Variants in GATAD2A observed in about 807,000 individuals in gnomAD.
GATAD2A encodes the protein GATA zinc finger domain containing 2A.
In GATAD2A, 12 loss-of-function variants were observed where a neutral mutation model predicts 68.5. That is an observed-to-expected ratio of 0.18 (90% CI 0.11 to 0.28). The LOEUF (loss-of-function observed/expected upper bound fraction) is 0.28, where lower values mean the gene tolerates loss of function less well. Among genes scored for constraint, GATAD2A ranks in the 10% least tolerant of loss-of-function variants. The pLI, the probability that GATAD2A is intolerant of heterozygous loss-of-function variation, is 1.00. For missense variants in GATAD2A, 755 were observed against 868.5 expected, an observed-to-expected ratio of 0.87 and a Z score of 1.64; for synonymous variants, 410 against 375.3, an observed-to-expected ratio of 1.09 and a Z score of -1.07.
At position 19,495,876 on chromosome 19, in the gene GATAD2A, G is replaced by T; in HGVS notation, c.747G>T (p.Arg249Ser). 6.2e-7 allele frequency: 1 copy of T among 1,612,720 alleles called. No homozygotes were observed. The change falls in exon 6 of 12, where the codon AGG becomes AGT. Residue 249 changes from arginine to serine, a missense_variant. Physicochemically the swap from Arg to Ser is moderately radical, Grantham distance 110 (BLOSUM62 -1). Coordinates refer to ENST00000683918, the MANE Select transcript of GATAD2A (RefSeq NM_001384528.1). ...SSQVVMPPLV[R>S]GAQQIHSIRQ... ...AGGTCGTCATGCCCCCACTCGTCAGGGGGGCTCAGGTAAGCAGGGCTGTGC... is the reference window on the plus strand; with the variant it reads ...AGGTCGTCATGCCCCCACTCGTCAGTGGGGCTCAGGTAAGCAGGGCTGTGC...
chr19:19,443,461 C>T (rs553735849), intron 1 of GATAD2A, among the ~76,000 whole-genome samples: 11 of 152,278 alleles, frequency 7.2e-5, no homozygotes, highest in East Asian at 3.9e-4. Context: ...CCAACAAAGA[C>T]GGAAGATTGT....
intron 2 of GATAD2A, among the ~76,000 whole-genome samples, chr19:19,483,143 G>A (rs2059174287): frequency 6.6e-6 from 1 of 152,206 alleles, no homozygotes; most frequent in Non-Finnish European, 1.5e-5. Flanking sequence ...CTCTGCTCTA[G>A]CTGGGGACCT....
chr19:19,505,557 G>T lies in GATAD2A; in HGVS notation c.*83G>T. On this transcript the variant is annotated 3_prime_UTR_variant, in exon 12 of 12. Transcript: ENST00000683918. ...AGAAGGACCCACTGCACCACCCTCC[G>T]CTGGCTCGGGAAGACACCGTGCCCG... 1 of 1,275,624 alleles carries T rather than the reference G, an allele frequency of 7.8e-7. No individual in the cohort carries two copies. The highest frequency in any genetic ancestry group is 1.1e-6 in the Non-Finnish European group (1 of 940,504). 79.0% of individuals were successfully genotyped at this position (1,275,624 alleles called of 1,614,324 possible). A position where few individuals can be genotyped will look rare whatever the true frequency, so the allele number is the denominator to read the frequency against.
chr19:19,444,933 A>G (rs535471277), intron 1 of GATAD2A, among the ~76,000 whole-genome samples: 55 of 149,276 alleles, frequency 3.7e-4, no homozygotes, highest in African/African-American at 1.2e-3. Context: ...TAGGCAGTGT[A>G]GGGCCTGTGA....
chr19:19,461,113 C>T (rs1475922606), intron 1 of GATAD2A, among the ~76,000 whole-genome samples: 6 of 151,570 alleles, frequency 4.0e-5, no homozygotes, highest in Non-Finnish European at 7.4e-5. Flanking sequence ...GAGCTGCTGT[C>T]GGGTGAGGAG....
chr19:19,430,258 C>T (rs1038755374), intron 1 of GATAD2A, among the ~76,000 whole-genome samples: 4 of 152,228 alleles, frequency 2.6e-5, no homozygotes, highest in African/African-American at 9.6e-5. Flanking sequence ...GCCAGCCAGC[C>T]AGCGCATGGT....
intron 1 of GATAD2A, among the ~76,000 whole-genome samples, chr19:19,422,716 G>GTTT (rs765812453): frequency 1.4e-5 from 2 of 142,220 alleles, no homozygotes; most frequent in African/African-American, 2.6e-5. Context: ...TGTTTTTGTT[G>GTTT]TTTTTTTTTT....
chr19:19,439,106 C>T (rs2054690313), intron 1 of GATAD2A, among the ~76,000 whole-genome samples: 1 of 152,196 alleles, frequency 6.6e-6, no homozygotes, highest in African/African-American at 2.4e-5. Flanking sequence ...GAGGGCTGGC[C>T]CTCAATGTGC....
chr19:19,454,855 G>A lies in GATAD2A; in HGVS notation c.-6-10485G>A, dbSNP rs528126011. 1.4e-3 allele frequency among the ~76,000 whole-genome samples: 212 copies of A among 152,208 alleles called. 2 individuals are homozygous for A. The highest frequency in any genetic ancestry group is 4.8e-3 in the African/African-American group (199 of 41,506). On this transcript the variant is annotated intron_variant, in intron 1 of 11. Transcript: ENST00000683918. The stretch of plus-strand genomic sequence containing the variant: ...AATTGATGTGTTAGAGGACCGTCGA[G>A]GTGTAACACAAATGTTGCGATGGTT...
At chr19:19,439,575 C>T (rs908885758) in intron 1 of GATAD2A, among the ~76,000 whole-genome samples, 8 of 152,108 alleles carry the variant, frequency 5.3e-5, no homozygotes, top group Admixed American at 1.3e-4. Flanking sequence ...TGGTCAGGTG[C>T]GGTGGCTCAC....
intron 2 of GATAD2A, among the ~76,000 whole-genome samples, chr19:19,478,012 G>A (rs1452365081): frequency 1.3e-5 from 2 of 152,228 alleles, no homozygotes; most frequent in African/African-American, 4.8e-5. Context: ...TTTGTTGGCT[G>A]ATGATTAAAT....
intron 2 of GATAD2A, among the ~76,000 whole-genome samples, chr19:19,475,513 C>T (rs775039651): frequency 6.6e-6 from 1 of 152,182 alleles, no homozygotes; most frequent in Non-Finnish European, 1.5e-5. Flanking sequence ...CAGCCCCTCC[C>T]CAGCACCTGT....
chr19:19,477,883 A>G (rs1209290259), intron 2 of GATAD2A, among the ~76,000 whole-genome samples: 3 of 152,218 alleles, frequency 2.0e-5, no homozygotes, highest in Non-Finnish European at 2.9e-5. Flanking sequence ...TGACCTGGCC[A>G]GCCATGTTCC....
At chr19:19,504,809 C>T (rs1025123970) in intron 11 of GATAD2A, among the ~76,000 whole-genome samples, 2 of 151,750 alleles carry the variant, frequency 1.3e-5, no homozygotes, top group African/African-American at 4.8e-5. Flanking sequence ...CCACCATGTC[C>T]AGCTGATATT....
At chr19:19,457,979 T>A (rs980226832) in intron 1 of GATAD2A, among the ~76,000 whole-genome samples, 5 of 152,294 alleles carry the variant, frequency 3.3e-5, no homozygotes, top group Middle Eastern at 3.4e-3. Context: ...GCTGGTCTTA[T>A]CCTAGGACCA....
chr19:19,413,728 A>G (rs1417510847), intron 1 of GATAD2A, among the ~76,000 whole-genome samples: 4 of 151,914 alleles, frequency 2.6e-5, no homozygotes, highest in African/African-American at 9.7e-5. Flanking sequence ...AGGATTACAG[A>G]CACCCATAAC....
In GATAD2A at chr19:19,498,560, G is replaced by T. The variant is rs756786911; in HGVS notation, c.1042G>T (p.Ala348Ser). 6.2e-7 allele frequency: 1 copy of T among 1,613,854 alleles called. No individual in the cohort carries two copies. The highest frequency in any genetic ancestry group is 8.5e-7 in the Non-Finnish European group (1 of 1,179,972). The change falls in exon 8 of 12, where the codon GCC becomes TCC. Residue 348 changes from alanine (A) to serine (S), a missense_variant. Coordinates refer to ENST00000683918, the MANE Select transcript of GATAD2A (RefSeq NM_001384528.1). ...AESPASRQAA[A>S]KLALRKQLEK... is the part of the protein sequence containing the mutation. ...GTCTCCAGCAAGCCGACAGGCGGCC[G>T]CCAAGCTGGCGCTGCGCAAACAGCT...
At chr19:19,499,660 C>T (rs2060389426) in intron 8 of GATAD2A, among the ~76,000 whole-genome samples, 1 of 152,112 alleles carries the variant, frequency 6.6e-6, no homozygotes, top group Non-Finnish European at 1.5e-5. Context: ...CTGGTGCCCC[C>T]ATGTGGTTGC....
At chr19:19,483,780 A>C (rs1156358252) in intron 2 of GATAD2A, among the ~76,000 whole-genome samples, 2 of 123,322 alleles carry the variant, frequency 1.6e-5, no homozygotes, top group African/African-American at 7.2e-5. Flanking sequence ...ATACCCGGCT[A>C]ATTTTTTTTT....
Sources: gnomAD v4.1 joint callset for allele counts (sites outside exome capture counted in the v4.1 genomes callset) on GRCh38, gnomAD v4.1.1 for gene constraint, MANE v1.5 for transcripts, NCBI Gene and HGNC (gene_info 2026-07-23, HGNC 2026-07-21) for gene names.